Variants in STK25 observed in about 807,000 individuals in gnomAD.
The protein encoded by STK25 is serine/threonine kinase 25, also known as serine/threonine-protein kinase 25.
A neutral mutation model predicts 53.8 loss-of-function variants in STK25; 29 were observed. That is an observed-to-expected ratio of 0.54 (90% confidence interval 0.40 to 0.74). The LOEUF (loss-of-function observed/expected upper bound fraction) is 0.74, where lower values mean the gene tolerates loss of function less well. Ranked by LOEUF, STK25 falls within the 30% of genes least tolerant of loss-of-function variation. The probability of loss-of-function intolerance (pLI) is 0.00; values close to 1 mark genes in which losing one functional copy is unlikely to be tolerated. For synonymous variants in STK25, 247 were observed against 238.3 expected, an observed-to-expected ratio of 1.04 and a Z score of -0.33; for missense variants, 420 against 568.0, an observed-to-expected ratio of 0.74 and a Z score of 2.65.
rs755595137 is a variant in STK25 at position 241,492,882 on chromosome 2, G to T, written c.*2780C>A. ...GGGGAGCAAACCCACTCCCACAAGG[G>T]GTCCTGGGTGCTGGTTAATGCACCT... On this transcript the variant is annotated 3_prime_UTR_variant, in exon 12 of 12. Coordinates refer to ENST00000316586, the MANE Select transcript of STK25 (RefSeq NM_001271977.2). The T allele has an allele frequency of 9.1e-7, 1 of 1,100,076 alleles. No individual in the cohort carries two copies. Among genetic ancestry groups the T allele is most frequent in the African/African-American group, 1.5e-5 (1 of 65,176 alleles). The allele number at this position is 1,100,076 out of a possible 1,614,324, so 68.1% of individuals were successfully genotyped here. A position where few individuals can be genotyped will look rare whatever the true frequency, so the allele number is the denominator to read the frequency against.
In STK25 at chr2:241,499,323, G is replaced by A. The variant is rs751297339; in HGVS notation, c.519C>T (p.Asn173=). The change falls in exon 6 of 12, where the codon AAC becomes AAT. Residue 173 remains asparagine, a synonymous_variant. Transcript: ENST00000316586. ...GQLTDTQIKR[N]TFVGTPFWMA... ...TCCAGAAGGGGGTGCCCACGAATGT[G>A]TTCCTCTTAATCTGCGTGTCTGTGA... The A allele has an allele frequency of 1.2e-6, 2 of 1,614,050 alleles. No individual in the cohort carries two copies. Among genetic ancestry groups the A allele is most frequent in the Middle Eastern group, 1.6e-4 (1 of 6,062 alleles).
rs1029567737 is a variant in STK25, at chr2:241,501,221, G to A, written c.261+257C>T. 1 of 573,100 alleles carries A rather than the reference G, an allele frequency of 1.7e-6. No homozygotes were observed. Among genetic ancestry groups the A allele is most frequent in the Non-Finnish European group, 3.1e-6 (1 of 318,134 alleles). The allele number at this position is 573,100 out of a possible 1,614,324, so 35.5% of individuals were successfully genotyped here. ...ACAGGCCCACTCACCACTGCCAGTA[G>A]GGGCCCCCCAGAGTGCTCCTAGCAG... On this transcript the variant is annotated intron_variant, in intron 3 of 11. Transcript: ENST00000316586. The surrounding 1 kb of genome is among the most constrained non-coding windows in gnomAD (Gnocchi z 5.3).
intron 1 of STK25, 29 bp downstream of exon 1, chr2:241,508,414 G>A (rs1376166877): frequency 1.0e-6 from 1 of 977,142 alleles, no homozygotes; most frequent in Non-Finnish European, 1.2e-6. Context: ...CCCAATCGCC[G>A]CAAGCGCCCC....
intron 4 of STK25, 60 bp downstream of exon 4, chr2:241,500,680 T>C: frequency 6.5e-7 from 1 of 1,544,082 alleles, no homozygotes; most frequent in East Asian, 2.2e-5. Flanking sequence ...AGCCCATGAG[T>C]CTGAGGGGCA....
At chr2:241,499,617 A>G in intron 5 of STK25, 1 of 634,230 alleles carries the variant, frequency 1.6e-6, no homozygotes, top group South Asian at 2.0e-5. Context: ...CAACGGCTCC[A>G]CTCCGAGCTC....
intron 5 of STK25, 173 bp downstream of exon 5, chr2:241,500,000 A>C: frequency 1.4e-6 from 1 of 699,652 alleles, no homozygotes; most frequent in South Asian, 1.5e-5. Flanking sequence ...CGTTACAAGT[A>C]GTATCTTCTG....
Position 241,501,110 on chromosome 2 carries a change from C to A in STK25, c.262-314G>T, listed in dbSNP as rs2065483180. The A allele has an allele frequency of 3.6e-6, 2 of 553,886 alleles. No homozygotes were observed. Among genetic ancestry groups the A allele is most frequent in the Non-Finnish European group, 6.5e-6 (2 of 307,284 alleles). 34.3% of individuals were successfully genotyped at this position (553,886 alleles called of 1,614,324 possible). On this transcript the variant is annotated intron_variant, in intron 3 of 11. Transcript: ENST00000316586. This position sits in a 1 kb window ranked among gnomAD's most constrained non-coding sequence, Gnocchi z 5.3. ...GAGGGCATGGCTGGCAAGCATGTGACCCGACACACCCATCACCCTCCTGGG... is the reference window on the plus strand; with the variant it reads ...GAGGGCATGGCTGGCAAGCATGTGAACCGACACACCCATCACCCTCCTGGG...
At chr2:241,498,874 C>G (rs2065338495) in intron 7 of STK25, 90 bp from the exon 8 acceptor site, 2 of 1,605,802 alleles carry the variant, frequency 1.2e-6, no homozygotes, top group Non-Finnish European at 1.7e-6. Context: ...CCGGGGCGGG[C>G]CCTCACAGCT....
intron 8 of STK25, 83 bp downstream of exon 8, chr2:241,498,556 A>G: frequency 1.3e-6 from 2 of 1,515,614 alleles, no homozygotes; most frequent in South Asian, 1.2e-5. Flanking sequence ...CCTCACCCCC[A>G]GGGCCCACGC....
intron 3 of STK25, 153 bp from the exon 4 acceptor site, chr2:241,500,949 C>A: frequency 1.5e-6 from 1 of 665,478 alleles, no homozygotes; most frequent in Non-Finnish European, 2.6e-6. Context: ...CTCGGCCTTG[C>A]CCATCTTCCC....
At chr2:241,498,597 C>G (rs768951436) in intron 8 of STK25, 42 bp downstream of exon 8, 1 of 1,584,116 alleles carries the variant, frequency 6.3e-7, no homozygotes, top group Non-Finnish European at 8.6e-7. Flanking sequence ...CCACCCACGT[C>G]ACAGCACCTA....
chr2:241,501,697 C>A lies in STK25; in HGVS notation c.42G>T (p.Val14=). ...LRGFANQHSR[V]DPEELFTKLD... The stretch of plus-strand genomic sequence containing the variant: ...GCTTGGTGAAGAGCTCCTCAGGGTC[C>A]ACTCGAGAGTGCTGTGGGGCCAGGG... Residue 14 remains valine (V), a synonymous_variant, in exon 3 of 12, where the codon GTG becomes GTT. Coordinates refer to ENST00000316586, the MANE Select transcript of STK25 (RefSeq NM_001271977.2). The surrounding 1 kb of genome is among the most constrained non-coding windows in gnomAD (Gnocchi z 5.3). 6.2e-7 allele frequency: 1 copy of A among 1,612,830 alleles called. No homozygotes were observed. The highest frequency in any genetic ancestry group is 8.5e-7 in the Non-Finnish European group (1 of 1,179,320).
At chr2:241,507,218 T>C (rs548551656) in intron 2 of STK25, among the ~76,000 whole-genome samples, 5 of 151,834 alleles carry the variant, frequency 3.3e-5, no homozygotes, top group Admixed American at 6.5e-5. Flanking sequence ...TGGGGAGGGG[T>C]AGAGAATGCA....
chr2:241,495,779 T>TGC, intron 11 of STK25, 78 bp from the exon 12 acceptor site: 1 of 1,520,266 alleles, frequency 6.6e-7, no homozygotes, highest in Non-Finnish European at 9.1e-7. Flanking sequence ...GTGTGCAGTC[T>TGC]GCGGTGGCAG....
chr2:241,499,439 G>T, intron 5 of STK25, 25 bp from the exon 6 acceptor site: 1 of 1,608,490 alleles, frequency 6.2e-7, no homozygotes, highest in Non-Finnish European at 8.5e-7. Context: ...ACAGGCAGGC[G>T]TCATCCCAGG....
At chr2:241,504,487 A>G (rs1468380839) in intron 2 of STK25, among the ~76,000 whole-genome samples, 1 of 152,116 alleles carries the variant, frequency 6.6e-6, no homozygotes, top group Admixed American at 6.5e-5. Context: ...CCCCAGCCCC[A>G]TCACTGCTGC....
At chr2:241,502,032 C>T in intron 2 of STK25, 1 of 281,738 alleles carries the variant, frequency 3.5e-6, no homozygotes, top group Non-Finnish European at 6.9e-6. Flanking sequence ...GGCGTGGCGG[C>T]TCATGCCTGT....
chr2:241,496,522 G>A lies in STK25; in HGVS notation c.1117C>T (p.His373Tyr). 1 of 1,613,552 alleles carries A rather than the reference G, an allele frequency of 6.2e-7. No individual in the cohort carries two copies. Among genetic ancestry groups the A allele is most frequent in the Non-Finnish European group, 8.5e-7 (1 of 1,179,896 alleles). ...CCCACGCTCCCGCCGCTCTGCTTGT[G>A]CTTCTCTTTGAGCTGTGAAAAGACC... ...RPVFGELKEK[H>Y]KQSGGSVGAL... Residue 373 changes from histidine (H) to tyrosine (Y), a missense_variant, in exon 11 of 12, where the codon CAC becomes TAC. Coordinates refer to ENST00000316586, the MANE Select transcript of STK25 (RefSeq NM_001271977.2). The surrounding 1 kb of genome is among the most constrained non-coding windows in gnomAD (Gnocchi z 5.8).
At chr2:241,508,874 G>T (rs1692061315), upstream of STK25, among the ~76,000 whole-genome samples, 1 of 152,050 alleles carries the variant, frequency 6.6e-6, no homozygotes. Flanking sequence ...GCCCTCGCGG[G>T]TCTTCTGCGT....
Sources: allele counts gnomAD v4.1 joint callset (sites outside exome capture counted in the v4.1 genomes callset), GRCh38; gene constraint gnomAD v4.1.1; non-coding constraint Gnocchi (gnomAD v3.1); transcripts MANE v1.5; gene names NCBI Gene and HGNC (gene_info 2026-07-23, HGNC 2026-07-21).